Variants in CYSTM1 observed in about 807,000 individuals in gnomAD.
The protein encoded by CYSTM1 is cysteine-rich transmembrane module-containing protein 1.
CYSTM1 carries 4 observed loss-of-function variants against 13.1 expected under a neutral mutation model. That is an observed-to-expected ratio of 0.31 (90% CI 0.15 to 0.70). The LOEUF (loss-of-function observed/expected upper bound fraction) is 0.70. Among genes scored for constraint, CYSTM1 ranks in the 30% least tolerant of loss-of-function variants. The pLI is 0.72. For synonymous variants in CYSTM1, 36 were observed against 42.7 expected, an observed-to-expected ratio of 0.84 and a Z score of 0.62; for missense variants, 96 against 121.6, an observed-to-expected ratio of 0.79 and a Z score of 0.99.
chr5:140,222,396 T>C (rs1764502432), intron 2 of CYSTM1, among the ~76,000 whole-genome samples: 3 of 152,238 alleles, frequency 2.0e-5, no homozygotes, highest in Admixed American at 2.0e-4. Context: ...TGGGTGATAA[T>C]TGGCTTCCTT....
intron 2 of CYSTM1, chr5:140,201,750 A>G (rs968511166): frequency 6.6e-6 from 1 of 152,204 alleles, no homozygotes; most frequent in Non-Finnish European, 1.5e-5. Context: ...TCTTAAGGCT[A>G]CAAGTGATAG....
At chr5:140,201,904 C>T (rs1252925677) in intron 2 of CYSTM1, 3 of 150,686 alleles carry the variant, frequency 2.0e-5, no homozygotes, top group Non-Finnish European at 4.4e-5. Context: ...AACCCTCCTA[C>T]CAGAAAGTGG....
rs1479571254 is a variant in CYSTM1, at chr5:140,226,603, TATATATATAA to T, written c.188-16700_188-16691del. 1.7e-3 allele frequency among the ~76,000 whole-genome samples: 184 copies of T among 106,934 alleles called. 12 individuals carry two copies. In the Middle Eastern group the frequency reaches 0.021, roughly 12 times the overall value. 70.2% of individuals were successfully genotyped at this position (106,934 alleles called of 152,430 possible). A position where few individuals can be genotyped will look rare whatever the true frequency, so the allele number is the denominator to read the frequency against. On this transcript the variant is annotated intron_variant, in intron 2 of 2. Transcript: ENST00000261811. ...ACTAAATATTATATATATATATATA[TATATATATAA>T]AAATTAGCCAGATGTGATGGCGCAT... is the stretch of plus-strand genomic sequence containing the variant.
At chr5:140,232,703 G>A (rs973453142) in intron 2 of CYSTM1, among the ~76,000 whole-genome samples, 1 of 152,218 alleles carries the variant, frequency 6.6e-6, no homozygotes, top group African/African-American at 2.4e-5. Context: ...CAGGCCTGGA[G>A]AAAGGCAGAC....
At chr5:140,179,089 T>C (rs1443667483) in intron 1 of CYSTM1, among the ~76,000 whole-genome samples, 1 of 150,892 alleles carries the variant, frequency 6.6e-6, no homozygotes, top group Non-Finnish European at 1.5e-5. Context: ...GGAGACCCCA[T>C]AGCTACAAAA....
intron 1 of CYSTM1, among the ~76,000 whole-genome samples, chr5:140,185,838 A>G (rs996169375): frequency 4.6e-5 from 7 of 152,210 alleles, no homozygotes; most frequent in Non-Finnish European, 1.0e-4. Context: ...ATTTGAGACC[A>G]TCATTTCTTA....
At chr5:140,194,188 G>A (rs1764124822) in intron 1 of CYSTM1, among the ~76,000 whole-genome samples, 1 of 152,202 alleles carries the variant, frequency 6.6e-6, no homozygotes, top group African/African-American at 2.4e-5. Flanking sequence ...GGGACATGGT[G>A]GTGATCCAAA....
intron 2 of CYSTM1, among the ~76,000 whole-genome samples, chr5:140,234,380 C>A (rs78180064): frequency 0.012 from 1,783 of 152,230 alleles, 40 homozygotes; most frequent in African/African-American, 0.041. Flanking sequence ...TCATTTTAGT[C>A]ATTTTAGTTC....
At chr5:140,237,871 C>A (rs916001852) in intron 2 of CYSTM1, among the ~76,000 whole-genome samples, 1 of 152,174 alleles carries the variant, frequency 6.6e-6, no homozygotes, top group Non-Finnish European at 1.5e-5. Flanking sequence ...CCAGGGGCAG[C>A]CTCCCTCCCA....
At chr5:140,180,218 C>T (rs1035428938) in intron 1 of CYSTM1, among the ~76,000 whole-genome samples, 6 of 152,126 alleles carry the variant, frequency 3.9e-5, no homozygotes, top group African/African-American at 1.4e-4. Flanking sequence ...TTTCCCTCAC[C>T]TGTGTCAGGC....
intron 2 of CYSTM1, chr5:140,202,765 T>C (rs371542215): frequency 6.6e-6 from 1 of 152,304 alleles, no homozygotes; most frequent in East Asian, 1.9e-4. Flanking sequence ...GGGAGCATGA[T>C]GTCCAACTGC....
chr5:140,228,696 C>G (rs946670784), intron 2 of CYSTM1: 1 of 398,910 alleles, frequency 2.5e-6, no homozygotes, highest in Non-Finnish European at 4.4e-6. Flanking sequence ...CTGGGTCTCT[C>G]TCTCCTCTGC....
chr5:140,240,593 A>G (rs2126673927), intron 2 of CYSTM1, among the ~76,000 whole-genome samples: 1 of 151,930 alleles, frequency 6.6e-6, no homozygotes, highest in South Asian at 2.1e-4. Context: ...CGGGGATGGT[A>G]GCAGAGCAGA....
Position 140,230,634 on chromosome 5 carries a change from C to T in CYSTM1, c.188-12671C>T, listed in dbSNP as rs1186164208. Reference sequence around the variant, plus strand: ...CAGGCTCATTCTGTCCAAACTCCAGCTGGCCATATTGGTTCTAACAGATTT... The same window carrying T: ...CAGGCTCATTCTGTCCAAACTCCAGTTGGCCATATTGGTTCTAACAGATTT... On this transcript the variant is annotated intron_variant, in intron 2 of 2. Transcript: ENST00000261811. The surrounding 1 kb of genome is among the most constrained non-coding windows in gnomAD (Gnocchi z 4.1). 6.6e-6 allele frequency among the ~76,000 whole-genome samples: 1 copy of T among 152,214 alleles called. No homozygotes were observed. Among genetic ancestry groups the T allele is most frequent in the Non-Finnish European group, 1.5e-5 (1 of 68,036 alleles).
intron 2 of CYSTM1, among the ~76,000 whole-genome samples, chr5:140,212,294 G>A (rs1764376987): frequency 6.6e-6 from 1 of 152,162 alleles, no homozygotes; most frequent in South Asian, 2.1e-4. Context: ...TAATGGAGCT[G>A]GAAAATTTCT....
chr5:140,196,224 G>A (rs934693694), intron 2 of CYSTM1, among the ~76,000 whole-genome samples: 4 of 152,160 alleles, frequency 2.6e-5, no homozygotes, highest in Non-Finnish European at 5.9e-5. Context: ...TTCTAGATTA[G>A]AATCCTGATA....
chr5:140,188,031 G>A (rs1376893362), intron 1 of CYSTM1, among the ~76,000 whole-genome samples: 1 of 150,994 alleles, frequency 6.6e-6, no homozygotes, highest in African/African-American at 2.4e-5. Flanking sequence ...TGAATAGGAG[G>A]TTTAAAGTGG....
intron 1 of CYSTM1, among the ~76,000 whole-genome samples, chr5:140,188,863 T>C (rs1284811635): frequency 6.6e-6 from 1 of 151,560 alleles, no homozygotes; most frequent in Non-Finnish European, 1.5e-5. Flanking sequence ...ACAATAAATA[T>C]ATTTTTTCTA....
At chr5:140,210,638 A>G (rs1764356812) in intron 2 of CYSTM1, among the ~76,000 whole-genome samples, 1 of 151,832 alleles carries the variant, frequency 6.6e-6, no homozygotes, top group Non-Finnish European at 1.5e-5. Context: ...TAGCCACCTG[A>G]GTAGCCAGGA....
Sources: allele counts gnomAD v4.1 joint callset (sites outside exome capture counted in the v4.1 genomes callset), GRCh38; gene constraint gnomAD v4.1.1; non-coding constraint Gnocchi (gnomAD v3.1); transcripts MANE v1.5; gene names NCBI Gene and HGNC (gene_info 2026-07-23, HGNC 2026-07-21).